The following FGGY variants were observed in gnomAD, a reference collection of about 807,000 sequenced individuals.
The protein encoded by FGGY is FGGY carbohydrate kinase domain-containing protein.
FGGY carries 72 observed loss-of-function variants against 71.3 expected under a neutral mutation model. The ratio of observed to expected loss-of-function variants is 1.01; its 90% CI spans 0.84 to 1.23. The LOEUF (loss-of-function observed/expected upper bound fraction) is 1.23. FGGY is among the 50% of genes most tolerant of loss of function. The pLI is 0.00. For missense variants in FGGY, 668 were observed against 682.3 expected, an observed-to-expected ratio of 0.98 and a Z score of 0.23; for synonymous variants, 251 against 250.3, an observed-to-expected ratio of 1.00 and a Z score of -0.02.
In FGGY at chr1:59,606,140, T is replaced by A. The variant is rs556731658; in HGVS notation, c.904-1663T>A. ...GGGACTGCTATGGTCTGTTAAAAAA[T>A]AATAATAATAATAAAATAAAAAATT... On this transcript the variant is annotated intron_variant, in intron 8 of 15. Transcript: ENST00000303721. 9.9e-5 allele frequency among the ~76,000 whole-genome samples: 15 copies of A among 152,030 alleles called. No homozygotes were observed. In the East Asian group the frequency reaches 1.7e-3, roughly 18 times the overall value.
intron 3 of FGGY, among the ~76,000 whole-genome samples, chr1:59,340,394 A>G (rs1383027856): frequency 2.0e-5 from 3 of 152,216 alleles, no homozygotes; most frequent in Admixed American, 2.0e-4. Flanking sequence ...TTTTCTGAGA[A>G]GAGAGTGTCA....
chr1:59,407,558 GA>G (rs377008495), intron 5 of FGGY, among the ~76,000 whole-genome samples: 3 of 151,304 alleles, frequency 2.0e-5, no homozygotes, highest in Admixed American at 6.6e-5. Flanking sequence ...CGGGGAGAGA[GA>G]AAAAAAAATA....
intron 14 of FGGY, among the ~76,000 whole-genome samples, chr1:59,712,055 G>T (rs1261356925): frequency 6.6e-6 from 1 of 152,144 alleles, no homozygotes; most frequent in Non-Finnish European, 1.5e-5. Flanking sequence ...TCAAAAGCAA[G>T]TTAGTTACTT....
intron 1 of FGGY, among the ~76,000 whole-genome samples, chr1:59,298,250 C>T (rs2042258242): frequency 6.6e-6 from 1 of 152,142 alleles, no homozygotes; most frequent in African/African-American, 2.4e-5. Flanking sequence ...TCATGCTTGG[C>T]TCTTGACCTG....
chr1:59,617,564 C>T (rs76554668), intron 9 of FGGY, among the ~76,000 whole-genome samples: 5,631 of 152,078 alleles, frequency 0.037, 208 homozygotes, highest in African/African-American at 0.098. Flanking sequence ...TCATGCTTGC[C>T]GATATTCTCT....
At chr1:59,653,547 C>A (rs910444986) in intron 11 of FGGY, among the ~76,000 whole-genome samples, 3 of 152,170 alleles carry the variant, frequency 2.0e-5, no homozygotes, top group Non-Finnish European at 4.4e-5. Flanking sequence ...TTCTTTGACT[C>A]GGAAAGGGAA....
chr1:59,636,522 C>T (rs1402911616), intron 10 of FGGY, among the ~76,000 whole-genome samples: 2 of 152,076 alleles, frequency 1.3e-5, no homozygotes, highest in African/African-American at 2.4e-5. Flanking sequence ...ACTCGGGAGG[C>T]TGAGGCAGGA....
intron 8 of FGGY, among the ~76,000 whole-genome samples, chr1:59,572,928 A>G (rs2096011513): frequency 6.6e-6 from 1 of 152,162 alleles, no homozygotes; most frequent in Non-Finnish European, 1.5e-5. Flanking sequence ...GTTGTTTTAA[A>G]TATTTTACCC....
chr1:59,451,331 T>C (rs1414158814), intron 5 of FGGY, among the ~76,000 whole-genome samples: 11 of 151,794 alleles, frequency 7.2e-5, no homozygotes, highest in Admixed American at 2.6e-4. Flanking sequence ...GCTTACTTAA[T>C]GTTTATTTTC....
At chr1:59,502,215 C>T (rs1240119864) in intron 6 of FGGY, among the ~76,000 whole-genome samples, 1 of 152,232 alleles carries the variant, frequency 6.6e-6, no homozygotes, top group Non-Finnish European at 1.5e-5. Flanking sequence ...TATGCTAAAC[C>T]ACCTGCCTCT....
At chr1:59,494,481 G>A (rs1421275323) in intron 6 of FGGY, among the ~76,000 whole-genome samples, 2 of 152,166 alleles carry the variant, frequency 1.3e-5, no homozygotes, top group African/African-American at 4.8e-5. Context: ...GAAGGGGAAG[G>A]ACAAGTGATG....
At chr1:59,512,289 G>A (rs1231351179) in intron 6 of FGGY, 22 bp from the exon 7 acceptor site, 1 of 1,577,158 alleles carries the variant, frequency 6.3e-7, no homozygotes, top group Non-Finnish European at 8.6e-7. Context: ...GATGGTGTTT[G>A]TTTTTTCTCA....
At chr1:59,300,703 T>C (rs1553129070) in intron 1 of FGGY, among the ~76,000 whole-genome samples, 1 of 152,096 alleles carries the variant, frequency 6.6e-6, no homozygotes, top group Non-Finnish European at 1.5e-5. Context: ...TTTTTGCATA[T>C]GGCTATCCAG....
intron 4 of FGGY, among the ~76,000 whole-genome samples, chr1:59,359,998 CAT>C (rs2055125802): frequency 6.6e-6 from 1 of 152,040 alleles, no homozygotes; most frequent in Non-Finnish European, 1.5e-5. Context: ...AGTAACGCCA[CAT>C]GTGTAGAGTA....
chr1:59,520,384 C>T (rs1057109300), intron 7 of FGGY, among the ~76,000 whole-genome samples: 1 of 152,170 alleles, frequency 6.6e-6, no homozygotes, highest in Non-Finnish European at 1.5e-5. Flanking sequence ...GACAACTTGG[C>T]CGTCTTTCAG....
chr1:59,481,905 C>T (rs2093485572), intron 6 of FGGY, among the ~76,000 whole-genome samples: 1 of 152,112 alleles, frequency 6.6e-6, no homozygotes, highest in South Asian at 2.1e-4. Context: ...GGATCTATTT[C>T]ACAGAGTATC....
At chr1:59,313,624 C>T (rs1266355087) in intron 1 of FGGY, among the ~76,000 whole-genome samples, 1 of 152,054 alleles carries the variant, frequency 6.6e-6, no homozygotes, top group Non-Finnish European at 1.5e-5. Context: ...ACTACTCAGC[C>T]ATAAAAAGGA....
At chr1:59,461,592 A>G (rs1558002786) in intron 6 of FGGY, among the ~76,000 whole-genome samples, 1 of 152,168 alleles carries the variant, frequency 6.6e-6, no homozygotes, top group Non-Finnish European at 1.5e-5. Flanking sequence ...CCTCAAGAAG[A>G]GCAACCCCAA....
intron 8 of FGGY, among the ~76,000 whole-genome samples, chr1:59,575,581 C>G (rs1169292058): frequency 6.6e-6 from 1 of 152,108 alleles, no homozygotes; most frequent in East Asian, 1.9e-4. Flanking sequence ...GACATCTCTT[C>G]AACATATTGT....
Sources: allele counts gnomAD v4.1 joint callset (sites outside exome capture counted in the v4.1 genomes callset), GRCh38; gene constraint gnomAD v4.1.1; transcripts MANE v1.5; gene names NCBI Gene and HGNC (gene_info 2026-07-23, HGNC 2026-07-21).